NEK10: variants seen among roughly 807,000 people sequenced by gnomAD.
NEK10 encodes NIMA related kinase 10, also known as serine/threonine-protein kinase Nek10.
Under a neutral mutation model 159.8 loss-of-function variants are expected in NEK10, and 122 were observed. The observed-to-expected ratio is 0.76, with a 90% CI of 0.66 to 0.89. The LOEUF is 0.89. Ranked by LOEUF, NEK10 falls within the 40% of genes least tolerant of loss-of-function variation. The probability of loss-of-function intolerance (pLI) is 0.00; values close to 1 mark genes in which losing one functional copy is unlikely to be tolerated. For missense variants in NEK10, 1,342 were observed against 1,323.1 expected (o/e 1.01, Z -0.22); for synonymous variants, 466 against 457.1 (o/e 1.02, Z -0.25).
chr3:27,119,688 T>C (rs1325739879), intron 33 of NEK10, 72 bp downstream of exon 33: 1 of 1,189,560 alleles, frequency 8.4e-7, no homozygotes, highest in South Asian at 1.4e-5. Flanking sequence ...AGATAATCTT[T>C]TAGAAATAGC....
chr3:27,224,503 T>C (rs138539155), intron 23 of NEK10, among the ~76,000 whole-genome samples: 1 of 152,348 alleles, frequency 6.6e-6, no homozygotes, highest in East Asian at 1.9e-4. Flanking sequence ...TGAATTATTC[T>C]TCCTTCCCTC....
At chr3:27,202,834 C>T (rs1950170262) in intron 23 of NEK10, among the ~76,000 whole-genome samples, 1 of 152,092 alleles carries the variant, frequency 6.6e-6, no homozygotes, top group Non-Finnish European at 1.5e-5. Context: ...AAGAGCAAGC[C>T]CACTGTGGTA....
intron 22 of NEK10, among the ~76,000 whole-genome samples, chr3:27,262,811 T>G (rs2040532587): frequency 6.6e-6 from 1 of 152,232 alleles, no homozygotes; most frequent in African/African-American, 2.4e-5. Flanking sequence ...TTTGATCGTC[T>G]GAAGCCTTCT....
chr3:27,251,067 G>C (rs77728830), intron 23 of NEK10, among the ~76,000 whole-genome samples: 1 of 152,110 alleles, frequency 6.6e-6, no homozygotes, highest in African/African-American at 2.4e-5. Flanking sequence ...CCCAGCATGT[G>C]ACATGTATCA....
chr3:27,314,189 G>A (rs1453269389), intron 7 of NEK10, 108 bp downstream of exon 7: 14 of 760,528 alleles, frequency 1.8e-5, no homozygotes, highest in Non-Finnish European at 2.8e-5. Flanking sequence ...CTCTGGGGCA[G>A]ACAGCATAAC....
At position 27,111,318 on chromosome 3, in the gene NEK10, T is replaced by C. The variant is rs1162684187; in HGVS notation, c.3302A>G (p.Tyr1101Cys). 6.3e-7 allele frequency: 1 copy of C among 1,596,996 alleles called. No homozygotes were observed. The highest frequency in any genetic ancestry group is 1.7e-5 in the Admixed American group (1 of 58,066). ...CTTGGTCCCCCATGGATAGGAATGATACCTATAAGATTCAGAAGTGGAAAG... is the reference window on the plus strand; with the variant it reads ...CTTGGTCCCCCATGGATAGGAATGACACCTATAAGATTCAGAAGTGGAAAG... ...SGYYNFTSNR[Y>C]HSYPWGTKNH... The change falls in exon 36 of 36, where the codon TAT becomes TGT. Residue 1101 changes from tyrosine to cysteine, a missense_variant and splice_region_variant. Tyr to Cys is a radical substitution (Grantham distance 194). Coordinates refer to ENST00000691995, the MANE Select transcript of NEK10 (RefSeq NM_001394966.1).
At chr3:27,259,901 G>T (rs2040244053) in intron 22 of NEK10, among the ~76,000 whole-genome samples, 1 of 152,140 alleles carries the variant, frequency 6.6e-6, no homozygotes, top group Non-Finnish European at 1.5e-5. Flanking sequence ...TCATTGAGCA[G>T]TGGTTTGTAG....
chr3:27,249,126 G>A (rs529864380), intron 23 of NEK10, among the ~76,000 whole-genome samples: 28 of 152,200 alleles, frequency 1.8e-4, no homozygotes, highest in African/African-American at 6.5e-4. Context: ...TCATGTGATC[G>A]GTTTTGTGTT....
chr3:27,255,394 G>T (rs894956197), intron 23 of NEK10: 8 of 246,244 alleles, frequency 3.2e-5, no homozygotes, highest in African/African-American at 1.1e-4. Context: ...CTGCATGAAA[G>T]GACTTTGTAA....
intron 23 of NEK10, among the ~76,000 whole-genome samples, chr3:27,254,314 T>C (rs1955956157): frequency 6.6e-6 from 1 of 152,178 alleles, no homozygotes; most frequent in African/African-American, 2.4e-5. Context: ...TGCTTTACAC[T>C]ATATCCCAGA....
At chr3:27,238,548 T>C (rs1282642995) in intron 23 of NEK10, among the ~76,000 whole-genome samples, 2 of 152,216 alleles carry the variant, frequency 1.3e-5, no homozygotes, top group East Asian at 1.9e-4. Flanking sequence ...CATATTCCTT[T>C]AATTTCTAAT....
intron 23 of NEK10, among the ~76,000 whole-genome samples, chr3:27,233,032 T>G (rs1202814147): frequency 6.6e-6 from 1 of 151,712 alleles, no homozygotes; most frequent in Non-Finnish European, 1.5e-5. Flanking sequence ...CAAAAATAAA[T>G]AAATGGGACC....
intron 26 of NEK10, among the ~76,000 whole-genome samples, chr3:27,187,802 T>G (rs1034397387): frequency 4.6e-5 from 7 of 151,674 alleles, no homozygotes; most frequent in African/African-American, 1.7e-4. Flanking sequence ...AGTCTGTCAA[T>G]TTGCTTGTTA....
intron 26 of NEK10, among the ~76,000 whole-genome samples, chr3:27,184,502 A>G (rs947705098): frequency 1.3e-5 from 2 of 152,330 alleles, no homozygotes; most frequent in Admixed American, 1.3e-4. Context: ...CATGTGCCAA[A>G]AGCCACTGAA....
At chr3:27,228,029 C>A (rs1306896729) in intron 23 of NEK10, among the ~76,000 whole-genome samples, 5 of 152,154 alleles carry the variant, frequency 3.3e-5, no homozygotes. Context: ...AAGAAACTTG[C>A]AATAGTCAAG....
chr3:27,189,033 C>G (rs1452924479), intron 26 of NEK10, among the ~76,000 whole-genome samples: 1 of 152,124 alleles, frequency 6.6e-6, no homozygotes, highest in African/African-American at 2.4e-5. Flanking sequence ...CTAATTATTA[C>G]ACATTTAAGT....
At chr3:27,347,012 A>T (rs1158696344) in intron 3 of NEK10, among the ~76,000 whole-genome samples, 3 of 152,216 alleles carry the variant, frequency 2.0e-5, no homozygotes, top group African/African-American at 7.2e-5. Context: ...AAAGTTGGGC[A>T]TGGTATAGAC....
intron 6 of NEK10, among the ~76,000 whole-genome samples, chr3:27,318,573 T>C (rs1575725865): frequency 6.6e-6 from 1 of 152,346 alleles, no homozygotes; most frequent in Non-Finnish European, 1.5e-5. Context: ...GCCAGGGCCA[T>C]GATGTCATGA....
intron 29 of NEK10, among the ~76,000 whole-genome samples, chr3:27,164,902 T>C (rs978348564): frequency 6.6e-6 from 1 of 152,252 alleles, no homozygotes; most frequent in African/African-American, 2.4e-5. Context: ...ATCTAACGTT[T>C]CAAACATTTT....
Sources: gnomAD v4.1 joint callset for allele counts (sites outside exome capture counted in the v4.1 genomes callset) on GRCh38, gnomAD v4.1.1 for gene constraint, MANE v1.5 for transcripts, NCBI Gene and HGNC (gene_info 2026-07-23, HGNC 2026-07-21) for gene names.